RERE: variants seen among roughly 807,000 people sequenced by gnomAD.
RERE encodes arginine-glutamic acid dipeptide repeats, also known as arginine-glutamic acid dipeptide repeats protein.
RERE carries 40 observed loss-of-function variants against 146.1 expected under a neutral mutation model. The observed-to-expected ratio is 0.27, with a 90% confidence interval of 0.21 to 0.36. The LOEUF (loss-of-function observed/expected upper bound fraction) is 0.36, where lower values mean the gene tolerates loss of function less well. RERE is among the 10% of genes least tolerant of loss of function. RERE has a pLI of 1.00. For missense variants in RERE, 1,933 were observed against 2,138.7 expected, an observed-to-expected ratio of 0.90 and a Z score of 1.90; for synonymous variants, 1,003 against 866.0, an observed-to-expected ratio of 1.16 and a Z score of -2.78.
intron 1 of RERE, among the ~76,000 whole-genome samples, chr1:8,705,887 T>C (rs571573567): frequency 2.0e-5 from 3 of 152,038 alleles, no homozygotes; most frequent in East Asian, 3.9e-4. Context: ...GAGGCCGAGG[T>C]GGGCAGATCA....
chr1:8,460,551 C>T (rs1013715910), intron 11 of RERE, among the ~76,000 whole-genome samples: 1 of 152,120 alleles, frequency 6.6e-6, no homozygotes, highest in Non-Finnish European at 1.5e-5. Flanking sequence ...TTTATCACTA[C>T]CACAGATTAA....
intron 12 of RERE, among the ~76,000 whole-genome samples, chr1:8,366,916 CAAAAAAAA>C (rs5772317): frequency 9.3e-6 from 1 of 107,684 alleles, no homozygotes; most frequent in Non-Finnish European, 1.8e-5. Context: ...AAAAAAAAAA[CAAAAAAAA>C]AAAACAAAAA....
At chr1:8,444,617 G>A (rs919700554) in intron 11 of RERE, among the ~76,000 whole-genome samples, 13 of 152,170 alleles carry the variant, frequency 8.5e-5, no homozygotes, top group Admixed American at 6.5e-5. Context: ...CCCCAATGTC[G>A]GAGATGGGGC....
intron 11 of RERE, chr1:8,465,533 T>C: frequency 2.9e-6 from 1 of 346,874 alleles, no homozygotes; most frequent in Non-Finnish European, 5.7e-6. Flanking sequence ...AAAATAATTA[T>C]GATTAAAAAA....
At chr1:8,369,535 A>AAAAG (rs1557593699) in intron 12 of RERE, among the ~76,000 whole-genome samples, 1 of 138,330 alleles carries the variant, frequency 7.2e-6, no homozygotes, top group South Asian at 2.3e-4. Flanking sequence ...AAAAAAAAAA[A>AAAAG]AAGAAGAAAA....
At chr1:8,419,383 A>C (rs969099988) in intron 12 of RERE, among the ~76,000 whole-genome samples, 7 of 152,184 alleles carry the variant, frequency 4.6e-5, no homozygotes, top group African/African-American at 1.7e-4. Flanking sequence ...AGAGCTAGGA[A>C]AGCTGTTTAC....
At position 8,616,331 on chromosome 1, in the gene RERE, G is replaced by A. The variant is rs190903479; in HGVS notation, c.397-1645C>T. On this transcript the variant is annotated intron_variant, in intron 3 of 22. Transcript: ENST00000400908. ...AAAACAAGTCATTGTTCTCACATAC[G>A]AAATGAGAAAACTTTGACAGTATCT... Among the ~76,000 whole-genome samples the A allele has an allele frequency of 3.6e-4, 54 of 152,070 alleles. 1 individual carries two copies. The highest frequency in any genetic ancestry group is 9.2e-4 in the Admixed American group (14 of 15,274).
chr1:8,403,824 GCTTT>G (rs1557613529), intron 12 of RERE, among the ~76,000 whole-genome samples: 1 of 57,812 alleles, frequency 1.7e-5, no homozygotes, highest in Non-Finnish European at 3.5e-5. Context: ...TAAAATCTTA[GCTTT>G]TTTTTTTTTT....
intron 6 of RERE, among the ~76,000 whole-genome samples, chr1:8,543,416 C>T (rs576335759): frequency 1.3e-5 from 2 of 152,318 alleles, no homozygotes; most frequent in Admixed American, 6.5e-5. Flanking sequence ...CAAAACTCTA[C>T]TACACAATGC....
intron 3 of RERE, among the ~76,000 whole-genome samples, chr1:8,620,302 G>C (rs551451644): frequency 8.5e-5 from 13 of 152,294 alleles, no homozygotes; most frequent in African/African-American, 2.2e-4. Context: ...GGACCCAGGA[G>C]AGTCAAGGAA....
At chr1:8,515,791 T>C (rs1177336481) in intron 7 of RERE, among the ~76,000 whole-genome samples, 1 of 152,140 alleles carries the variant, frequency 6.6e-6, no homozygotes, top group East Asian at 1.9e-4. Flanking sequence ...GTATGAATCC[T>C]AGCCAAGACA....
chr1:8,589,759 T>A (rs929314296), intron 4 of RERE, among the ~76,000 whole-genome samples: 6 of 152,226 alleles, frequency 3.9e-5, no homozygotes, highest in African/African-American at 1.4e-4. Flanking sequence ...AGTTTTGCCT[T>A]GAAGGCTTGA....
intron 1 of RERE, among the ~76,000 whole-genome samples, chr1:8,671,297 T>C (rs1214948418): frequency 1.3e-5 from 2 of 152,182 alleles, no homozygotes; most frequent in Non-Finnish European, 2.9e-5. Flanking sequence ...GGTAGAATGA[T>C]GGAAAGACTA....
intron 6 of RERE, among the ~76,000 whole-genome samples, chr1:8,555,061 A>G (rs1200671288): frequency 6.6e-6 from 1 of 152,256 alleles, no homozygotes; most frequent in Non-Finnish European, 1.5e-5. Context: ...GAAACTCTCT[A>G]AATTCATCTA....
At chr1:8,653,984 G>A (rs1025773715) in intron 2 of RERE, among the ~76,000 whole-genome samples, 4 of 151,154 alleles carry the variant, frequency 2.6e-5, no homozygotes, top group African/African-American at 7.3e-5. Flanking sequence ...CCAAGAAATT[G>A]TAGCTGTGAA....
intron 10 of RERE, among the ~76,000 whole-genome samples, chr1:8,487,285 T>TA (rs1044339820): frequency 6.6e-5 from 10 of 151,972 alleles, no homozygotes; most frequent in Non-Finnish European, 1.2e-4. Flanking sequence ...CTAACTTGAT[T>TA]AAAAAAACAA....
intron 1 of RERE, among the ~76,000 whole-genome samples, chr1:8,804,448 T>C (rs1032202538): frequency 3.9e-5 from 6 of 152,164 alleles, no homozygotes; most frequent in Non-Finnish European, 7.3e-5. Context: ...ATTCTACTGG[T>C]ATTTATGGCA....
chr1:8,775,896 C>A (rs530128443), intron 1 of RERE, among the ~76,000 whole-genome samples: 1 of 152,154 alleles, frequency 6.6e-6, no homozygotes, highest in African/African-American at 2.4e-5. Flanking sequence ...GGTTAAGTAA[C>A]TTCCTCATTA....
chr1:8,675,631 G>A (rs772728729), intron 1 of RERE, among the ~76,000 whole-genome samples: 2 of 152,068 alleles, frequency 1.3e-5, no homozygotes, highest in Non-Finnish European at 2.9e-5. Flanking sequence ...GCTGAGGAAG[G>A]AGAATCACTT....
Sources: gnomAD v4.1 joint callset for allele counts (sites outside exome capture counted in the v4.1 genomes callset) on GRCh38, gnomAD v4.1.1 for gene constraint, MANE v1.5 for transcripts, NCBI Gene and HGNC (gene_info 2026-07-23, HGNC 2026-07-21) for gene names.